Variants in ANXA11 observed in about 807,000 individuals in gnomAD.
The protein encoded by ANXA11 is 56 kDa autoantigen.
A neutral mutation model predicts 64.7 loss-of-function variants in ANXA11; 57 were observed. The ratio of observed to expected loss-of-function variants is 0.88; its 90% CI spans 0.71 to 1.10. ANXA11 has a LOEUF of 1.10. ANXA11 is among the 50% of genes least tolerant of loss of function. ANXA11 has a pLI of 0.00. For missense variants in ANXA11, 675 were observed against 670.7 expected (o/e 1.01, Z -0.07); for synonymous variants, 260 against 265.2 (o/e 0.98, Z 0.19).
At chr10:80,168,635 G>A (rs1401950331) in intron 5 of ANXA11, among the ~76,000 whole-genome samples, 3 of 152,158 alleles carry the variant, frequency 2.0e-5, no homozygotes, top group Non-Finnish European at 4.4e-5. Flanking sequence ...CTGGGCTGAG[G>A]TGATCCTCCC....
chr10:80,161,119 T>C (rs1277025042), intron 12 of ANXA11, among the ~76,000 whole-genome samples: 1 of 152,146 alleles, frequency 6.6e-6, no homozygotes, highest in African/African-American at 2.4e-5. Flanking sequence ...GGCCCTCCAC[T>C]GGCTTCCTCT....
intron 11 of ANXA11, among the ~76,000 whole-genome samples, chr10:80,162,760 CAG>C (rs1485030183): frequency 6.6e-6 from 1 of 152,184 alleles, no homozygotes; most frequent in Admixed American, 6.5e-5. Flanking sequence ...TGAAGGGAGA[CAG>C]AGAGGTATGG....
chr10:80,171,895 A>G (rs1442141793), intron 3 of ANXA11: 3 of 985,440 alleles, frequency 3.0e-6, no homozygotes, highest in Non-Finnish European at 3.6e-6. Context: ...GGGTGGGCTC[A>G]TTCAGAGGGC....
chr10:80,171,866 GC>G (rs1032405665), intron 3 of ANXA11: 4 of 985,528 alleles, frequency 4.1e-6, no homozygotes, highest in Non-Finnish European at 4.8e-6. Context: ...GAGAACCCAG[GC>G]CAGTGCCAGC....
At chr10:80,192,239 A>G (rs1229113483) in intron 1 of ANXA11, among the ~76,000 whole-genome samples, 1 of 152,174 alleles carries the variant, frequency 6.6e-6, no homozygotes, top group East Asian at 1.9e-4. Flanking sequence ...CAGGAAACAC[A>G]CCGAAGGGGG....
At chr10:80,196,259 G>C (rs1419745371) in intron 1 of ANXA11, among the ~76,000 whole-genome samples, 1 of 152,172 alleles carries the variant, frequency 6.6e-6, no homozygotes, top group Non-Finnish European at 1.5e-5. Context: ...ACACACCCAA[G>C]TGCCAGAGCC....
chr10:80,183,108 G>A (rs910188242), intron 1 of ANXA11, among the ~76,000 whole-genome samples: 2 of 152,170 alleles, frequency 1.3e-5, no homozygotes, highest in Non-Finnish European at 2.9e-5. Context: ...AGTGGCTCAC[G>A]ACCTCCACAC....
Position 80,188,480 on chromosome 10 carries a change from CATATATATATATATAT to C in ANXA11, c.-57-12341_-57-12326del, listed in dbSNP as rs71034291. Among the ~76,000 whole-genome samples the C allele has an allele frequency of 7.3e-3, 733 of 100,586 alleles. 14 individuals carry two copies. The highest frequency in any genetic ancestry group is 0.025 in the African/African-American group (673 of 26,404). The allele number at this position is 100,586 out of a possible 152,430, so 66.0% of individuals were successfully genotyped here. ...CAGCTGTGAGAATGTAGTATTCTCA[CATATATATATATATAT>C]ATATATATATATATAGCACTACAAC... On this transcript the variant is annotated intron_variant, in intron 1 of 15. Transcript: ENST00000422982.
At chr10:80,155,952 A>G (rs1252221917) in intron 15 of ANXA11, 40 bp from the exon 16 acceptor site, 1 of 1,594,998 alleles carries the variant, frequency 6.3e-7, no homozygotes, top group South Asian at 1.1e-5. Context: ...TAAGGGAGGG[A>G]CAGTCACTTT....
rs558011984 is a variant in ANXA11, at chr10:80,168,592, G to A, written c.561+377C>T. Among the ~76,000 whole-genome samples the A allele has an allele frequency of 8.5e-5, 13 of 152,202 alleles. No individual in the cohort carries two copies. In the South Asian group the frequency reaches 2.1e-3, roughly 24 times the overall value. Reference sequence around the variant, plus strand: ...TCACCTAGGCTGGAGTGAGTGCAGCGGCATGATCCCGGCTCACTGCAACCT... The same window carrying A: ...TCACCTAGGCTGGAGTGAGTGCAGCAGCATGATCCCGGCTCACTGCAACCT... On this transcript the variant is annotated intron_variant, in intron 5 of 15. Coordinates refer to ENST00000422982, the MANE Select transcript of ANXA11 (RefSeq NM_145868.2).
chr10:80,198,041 G>A (rs572001291), intron 1 of ANXA11, among the ~76,000 whole-genome samples: 28 of 152,210 alleles, frequency 1.8e-4, no homozygotes, highest in African/African-American at 6.0e-4. Context: ...CAGACCTGAC[G>A]GCTGGGAGCA....
chr10:80,202,566 G>A (rs1840478032), intron 1 of ANXA11, among the ~76,000 whole-genome samples: 1 of 151,904 alleles, frequency 6.6e-6, no homozygotes, highest in African/African-American at 2.4e-5. Context: ...TCCTATCTAG[G>A]TATCACTCAA....
chr10:80,163,748 C>T (rs1845615838), intron 9 of ANXA11, 135 bp from the exon 10 acceptor site: 3 of 800,692 alleles, frequency 3.7e-6, no homozygotes, highest in Non-Finnish European at 6.1e-6. Context: ...AACAAATAGC[C>T]CATATGGCCC....
intron 4 of ANXA11, among the ~76,000 whole-genome samples, chr10:80,170,023 T>C (rs1396320886): frequency 2.0e-5 from 3 of 152,122 alleles, no homozygotes; most frequent in Admixed American, 6.5e-5. Context: ...AGACCCACCT[T>C]ACTGCTAACT....
At chr10:80,199,548 G>A (rs995412415) in intron 1 of ANXA11, among the ~76,000 whole-genome samples, 2 of 152,092 alleles carry the variant, frequency 1.3e-5, no homozygotes, top group African/African-American at 4.8e-5. Context: ...GCTCATGTCC[G>A]TAATCCCAGC....
chr10:80,159,261 G>T, intron 12 of ANXA11, 66 bp from the exon 13 acceptor site: 1 of 1,306,724 alleles, frequency 7.7e-7, no homozygotes, highest in Non-Finnish European at 1.1e-6. Context: ...ATATGTGGAA[G>T]TCCCAACTCC....
At chr10:80,163,866 C>T (rs1845620091) in intron 9 of ANXA11, among the ~76,000 whole-genome samples, 187 bp downstream of exon 9, 1 of 152,158 alleles carries the variant, frequency 6.6e-6, no homozygotes, top group Admixed American at 6.5e-5. Context: ...TAGTCATTTG[C>T]ACCATGTATA....
Position 80,172,850 on chromosome 10 carries a change from A to G in ANXA11, c.12T>C (p.Pro4=), listed in dbSNP as rs1846032914. The change falls in exon 3 of 16, where the codon CCT becomes CCC. Residue 4 remains proline, a synonymous_variant. Coordinates refer to ENST00000422982, the MANE Select transcript of ANXA11 (RefSeq NM_145868.2). MSY[P]GYPPPPGGYP... ...AGCCACCTGGGGGCGGGGGATAGCCAGGGTAGCTCATGGTTAGATCTGGAA... is the reference window on the plus strand; with the variant it reads ...AGCCACCTGGGGGCGGGGGATAGCCGGGGTAGCTCATGGTTAGATCTGGAA... 1 of 1,613,970 alleles carries G rather than the reference A, an allele frequency of 6.2e-7. No homozygotes were observed. Among genetic ancestry groups the G allele is most frequent in the Non-Finnish European group, 8.5e-7 (1 of 1,179,936 alleles).
chr10:80,200,120 C>T (rs1271481478), intron 1 of ANXA11, among the ~76,000 whole-genome samples: 3 of 152,136 alleles, frequency 2.0e-5, no homozygotes, highest in African/African-American at 7.2e-5. Flanking sequence ...AGTTTGCACG[C>T]AAATCTCATT....
Sources: allele counts gnomAD v4.1 joint callset (sites outside exome capture counted in the v4.1 genomes callset), GRCh38; gene constraint gnomAD v4.1.1; transcripts MANE v1.5; gene names NCBI Gene and HGNC (gene_info 2026-07-23, HGNC 2026-07-21).